Variants in IL1RAPL2 observed in about 807,000 individuals in gnomAD.
IL1RAPL2 encodes the protein interleukin 1 receptor accessory protein like 2.
A neutral mutation model predicts 44.1 loss-of-function variants in IL1RAPL2; 3 were observed. That is an observed-to-expected ratio of 0.07 (90% CI 0.03 to 0.18). IL1RAPL2 has a LOEUF of 0.18. Ranked by LOEUF, IL1RAPL2 falls within the 10% of genes least tolerant of loss-of-function variation. The pLI is 1.00. For missense variants in IL1RAPL2, 391 were observed against 496.4 expected (o/e 0.79, Z 2.02); for synonymous variants, 181 against 178.8 (o/e 1.01, Z -0.10).
intron 10 of IL1RAPL2, among the ~76,000 whole-genome samples, chrX:105,766,121 G>A (rs1290798582): frequency 2.7e-5 from 3 of 112,229 alleles, no homozygotes; most frequent in Non-Finnish European, 5.6e-5. Context: ...TCTCTACCAT[G>A]TAAAAGCCAT....
intron 4 of IL1RAPL2, among the ~76,000 whole-genome samples, chrX:105,251,512 A>C (rs750595317): frequency 9.0e-6 from 1 of 110,572 alleles, no homozygotes; most frequent in South Asian, 3.7e-4. Flanking sequence ...AACCATAGTC[A>C]GCAATACAAA....
intron 4 of IL1RAPL2, among the ~76,000 whole-genome samples, chrX:105,264,237 A>G (rs1488683481): frequency 9.0e-6 from 1 of 110,941 alleles, no homozygotes; most frequent in Non-Finnish European, 1.9e-5. Flanking sequence ...CTGGGCACTC[A>G]TTCTCTCTCC....
Position 105,218,967 on chromosome X carries a change from A to G in IL1RAPL2, c.357-14851A>G, listed in dbSNP as rs190314896. 1,550 of 1,204,499 alleles carry G rather than the reference A, an allele frequency of 1.3e-3. 2 individuals carry two copies. The highest frequency in any genetic ancestry group is 1.5e-3 in the Non-Finnish European group (1,353 of 891,847). ...GTTCTATTTTGCATTTCTGCACTCA[A>G]TGAGGTTTTTGCAGCCAGATTCCCT... On this transcript the variant is annotated intron_variant, in intron 3 of 10. Coordinates refer to ENST00000372582, the MANE Select transcript of IL1RAPL2 (RefSeq NM_017416.2).
chrX:104,685,120 A>G (rs992492324), intron 2 of IL1RAPL2, among the ~76,000 whole-genome samples: 1 of 112,216 alleles, frequency 8.9e-6, no homozygotes, highest in Non-Finnish European at 1.9e-5. Context: ...TGTTCAATAA[A>G]TATAAATTAA....
At chrX:105,232,771 CAAG>C (rs2034082603) in intron 3 of IL1RAPL2, among the ~76,000 whole-genome samples, 1 of 112,122 alleles carries the variant, frequency 8.9e-6, no homozygotes, top group Non-Finnish European at 1.9e-5. Context: ...AACCAAAGTA[CAAG>C]AAGACAGAAT....
At chrX:105,664,830 C>T (rs764909299) in intron 6 of IL1RAPL2, among the ~76,000 whole-genome samples, 1 of 111,856 alleles carries the variant, frequency 8.9e-6, no homozygotes, top group Admixed American at 9.5e-5. Context: ...ATTAAAGATG[C>T]TGTCTTTGTT....
chrX:104,982,275 T>G (rs2030456096), intron 2 of IL1RAPL2, among the ~76,000 whole-genome samples: 1 of 110,991 alleles, frequency 9.0e-6, no homozygotes, highest in Non-Finnish European at 1.9e-5. Context: ...TCAAGGTAAG[T>G]CCCATCTCAA....
At chrX:105,720,116 T>G (rs916292410) in intron 7 of IL1RAPL2, among the ~76,000 whole-genome samples, 8 of 111,928 alleles carry the variant, frequency 7.1e-5, no homozygotes, top group Non-Finnish European at 1.5e-4. Context: ...AGATATGTTT[T>G]GTGATCAAAG....
intron 5 of IL1RAPL2, among the ~76,000 whole-genome samples, chrX:105,475,287 A>G (rs1322876201): frequency 9.0e-6 from 1 of 111,093 alleles, no homozygotes; most frequent in African/African-American, 3.3e-5. Flanking sequence ...TCATCTGTCA[A>G]AATAGCCAGA....
chrX:104,902,909 TG>T (rs1377427507), intron 2 of IL1RAPL2, among the ~76,000 whole-genome samples: 1 of 111,683 alleles, frequency 9.0e-6, no homozygotes, highest in Non-Finnish European at 1.9e-5. Flanking sequence ...GATAAGCTGA[TG>T]ATAAAGGATA....
chrX:105,747,448 T>TTCTC (rs746410456), intron 8 of IL1RAPL2, among the ~76,000 whole-genome samples: 248 of 84,637 alleles, frequency 2.9e-3, no homozygotes, highest in African/African-American at 5.4e-3. Context: ...TGATTGGCTG[T>TTCTC]TCTCTCTCTC....
intron 2 of IL1RAPL2, among the ~76,000 whole-genome samples, chrX:105,126,911 G>T (rs1433201334): frequency 9.0e-6 from 1 of 111,207 alleles, no homozygotes; most frequent in Non-Finnish European, 1.9e-5. Context: ...GTTTCTGCCA[G>T]AAGAGCATCA....
At chrX:105,204,342 T>C (rs782756321) in intron 3 of IL1RAPL2, among the ~76,000 whole-genome samples, 5 of 111,630 alleles carry the variant, frequency 4.5e-5, no homozygotes, top group Non-Finnish European at 7.5e-5. Flanking sequence ...GAAATAGGTA[T>C]TCTATCAAGA....
intron 6 of IL1RAPL2, among the ~76,000 whole-genome samples, chrX:105,713,518 A>C (rs59709846): frequency 6.3e-5 from 7 of 111,456 alleles, no homozygotes; most frequent in Admixed American, 9.5e-5. Flanking sequence ...AGCATGGGGG[A>C]AACTGCCTCC....
chrX:104,904,280 T>C (rs956847715), intron 2 of IL1RAPL2, among the ~76,000 whole-genome samples: 9 of 110,292 alleles, frequency 8.2e-5, no homozygotes, highest in African/African-American at 3.0e-4. Flanking sequence ...TATACATATG[T>C]AGTTTTCTTT....
chrX:105,614,377 A>C (rs766810929), intron 6 of IL1RAPL2, among the ~76,000 whole-genome samples: 1 of 112,327 alleles, frequency 8.9e-6, no homozygotes, highest in Non-Finnish European at 1.9e-5. Context: ...AGTCAAAACT[A>C]TCATAATGCA....
At chrX:104,576,175 A>G (rs1196765273) in intron 1 of IL1RAPL2, among the ~76,000 whole-genome samples, 2 of 111,297 alleles carry the variant, frequency 1.8e-5, no homozygotes, top group African/African-American at 6.5e-5. Context: ...TTTTTAGATG[A>G]GGAAACTGAG....
Position 105,371,528 on chromosome X carries a change from C to A in IL1RAPL2, c.697+103987C>A, listed in dbSNP as rs1465122209. Among the ~76,000 whole-genome samples the A allele has an allele frequency of 4.5e-5, 5 of 111,319 alleles. No individual in the cohort carries two copies. In the Admixed American group the frequency reaches 4.8e-4, roughly 11 times the overall value. On this transcript the variant is annotated intron_variant, in intron 5 of 10. Transcript: ENST00000372582. ...AAAAAATTACCATCTATAGACCTAC[C>A]ACTCAGAGTCAGCCAAACTTCATAT... is the stretch of plus-strand genomic sequence containing the variant.
chrX:105,325,547 A>ATATATATG (rs2034930613), intron 5 of IL1RAPL2, among the ~76,000 whole-genome samples: 1 of 11,918 alleles, frequency 8.4e-5, no homozygotes, highest in African/African-American at 9.0e-5. Context: ...GGTTTTATAT[A>ATATATATG]TATATATATA....
Sources: gnomAD v4.1 joint callset for allele counts (sites outside exome capture counted in the v4.1 genomes callset) on GRCh38, gnomAD v4.1.1 for gene constraint, MANE v1.5 for transcripts, NCBI Gene and HGNC (gene_info 2026-07-23, HGNC 2026-07-21) for gene names.